Variants in CTNNA2 observed in about 807,000 individuals in gnomAD.
The protein encoded by CTNNA2 is catenin alpha-2.
A neutral mutation model predicts 101.0 loss-of-function variants in CTNNA2; 42 were observed. The observed-to-expected ratio is 0.42, with a 90% CI of 0.32 to 0.54. CTNNA2 has a LOEUF of 0.54. Ranked by LOEUF, CTNNA2 falls within the 20% of genes least tolerant of loss-of-function variation. CTNNA2 has a pLI of 0.14. For synonymous variants in CTNNA2, 450 were observed against 456.4 expected (o/e 0.99, Z 0.18); for missense variants, 871 against 1,223.1 (o/e 0.71, Z 4.29).
intron 7 of CTNNA2, among the ~76,000 whole-genome samples, chr2:80,131,488 A>G (rs1041932952): frequency 6.6e-6 from 1 of 152,222 alleles, no homozygotes; most frequent in Admixed American, 6.5e-5. Context: ...TGACGGTATA[A>G]AATTCTATCT....
At chr2:79,507,507 C>T (rs949273070) in intron 5 of CTNNA2, among the ~76,000 whole-genome samples, 6 of 152,078 alleles carry the variant, frequency 3.9e-5, no homozygotes, top group Non-Finnish European at 5.9e-5. Flanking sequence ...GCAGCAAGAA[C>T]GCTCTCACCA....
intron 8 of CTNNA2, among the ~76,000 whole-genome samples, chr2:80,397,734 C>T (rs566832055): frequency 2.7e-4 from 41 of 152,152 alleles, no homozygotes; most frequent in African/African-American, 9.2e-4. Flanking sequence ...TTATTAGAAG[C>T]GTGAGAACAG....
intron 2 of CTNNA2, among the ~76,000 whole-genome samples, chr2:79,716,532 C>G (rs533730830): frequency 6.6e-6 from 1 of 152,180 alleles, no homozygotes; most frequent in Admixed American, 6.5e-5. Flanking sequence ...TCGTTCAGCT[C>G]CCACTGATAA....
chr2:80,305,018 C>G (rs1395727976), intron 7 of CTNNA2: 1 of 970,114 alleles, frequency 1.0e-6, no homozygotes. Context: ...GTGCTCTCCC[C>G]CTTGCCTTTT....
At chr2:79,839,030 T>C (rs186085775) in intron 3 of CTNNA2, among the ~76,000 whole-genome samples, 1 of 152,070 alleles carries the variant, frequency 6.6e-6, no homozygotes, top group South Asian at 2.1e-4. Context: ...TTTATACATA[T>C]TAATTTATTA....
At chr2:79,537,469 T>G (rs1483066661) in intron 1 of CTNNA2, among the ~76,000 whole-genome samples, 2 of 152,320 alleles carry the variant, frequency 1.3e-5, no homozygotes, top group East Asian at 3.9e-4. Context: ...GGTGTTCATT[T>G]TTCTGCATTT....
intron 2 of CTNNA2, among the ~76,000 whole-genome samples, chr2:79,695,076 CT>C (rs145301717): frequency 0.16 from 22,141 of 140,832 alleles, 1,966 homozygotes; most frequent in Admixed American, 0.24. Flanking sequence ...TTTCACATTA[CT>C]TTTTTTTTTT....
chr2:80,467,501 A>T (rs1176236850), intron 9 of CTNNA2, among the ~76,000 whole-genome samples: 1 of 152,132 alleles, frequency 6.6e-6, no homozygotes, highest in Non-Finnish European at 1.5e-5. Flanking sequence ...GTTGCAAAAA[A>T]CCCCAAAACT....
At chr2:79,596,323 A>T (rs1018829859) in intron 1 of CTNNA2, among the ~76,000 whole-genome samples, 1 of 152,118 alleles carries the variant, frequency 6.6e-6, no homozygotes, top group African/African-American at 2.4e-5. Flanking sequence ...CAAGGTAGGG[A>T]AAATGGGGAA....
chr2:80,147,150 G>C (rs1319443732), intron 7 of CTNNA2, among the ~76,000 whole-genome samples: 1 of 151,876 alleles, frequency 6.6e-6, no homozygotes, highest in African/African-American at 2.4e-5. Flanking sequence ...ATTTTTAGTA[G>C]AGATGGGATT....
At chr2:80,328,713 C>T (rs901065555) in intron 7 of CTNNA2, among the ~76,000 whole-genome samples, 1 of 152,232 alleles carries the variant, frequency 6.6e-6, no homozygotes, top group Admixed American at 6.5e-5. Context: ...TGTTTGATGA[C>T]AGTCATGCTT....
intron 4 of CTNNA2, among the ~76,000 whole-genome samples, chr2:79,391,622 A>T (rs1411220245): frequency 6.6e-6 from 1 of 152,116 alleles, no homozygotes; most frequent in African/African-American, 2.4e-5. Context: ...AATCACCTCA[A>T]AAAACTGATG....
At chr2:79,646,524 CTTTTTTTT>C (rs67454188) in intron 1 of CTNNA2, among the ~76,000 whole-genome samples, 1 of 106,140 alleles carries the variant, frequency 9.4e-6, no homozygotes, top group Non-Finnish European at 1.8e-5. Context: ...TTCTTTCTGT[CTTTTTTTT>C]TTTTTTTTTT....
rs188938223 is a variant in CTNNA2 at position 80,351,154 on chromosome 2, G to C, written c.1057-42057G>C. On this transcript the variant is annotated intron_variant, in intron 7 of 18. Coordinates refer to ENST00000402739, the MANE Select transcript of CTNNA2 (RefSeq NM_001282597.3). ...TCCTACTATAGCAAGTGAGATGCAG[G>C]TTAAAAATGAAACACATACACACGC... Among the ~76,000 whole-genome samples, 11 of 152,190 alleles carry C rather than the reference G, an allele frequency of 7.2e-5. No individual in the cohort carries two copies. In the East Asian group the frequency reaches 1.7e-3, roughly 24 times the overall value.
At chr2:79,964,615 A>G (rs1406841315) in intron 7 of CTNNA2, among the ~76,000 whole-genome samples, 1 of 152,182 alleles carries the variant, frequency 6.6e-6, no homozygotes, top group African/African-American at 2.4e-5. Flanking sequence ...TAAATAATGA[A>G]TTAGAGAGAG....
rs572864196 is a variant in CTNNA2, at chr2:79,328,241, G to A, written c.-318+15445G>A. On this transcript the variant is annotated intron_variant, in intron 3 of 21. Transcript: ENST00000466387. ...GGTACAGGGAGAAAAATGTAAGCCT[G>A]TAGGATCTCAGAGAAGGGAAGGAGA... Among the ~76,000 whole-genome samples the A allele has an allele frequency of 1.5e-3, 233 of 152,266 alleles. 2 individuals carry two copies. In the South Asian group the frequency reaches 0.02, roughly 13 times the overall value.
intron 3 of CTNNA2, among the ~76,000 whole-genome samples, chr2:79,341,670 A>G (rs1252740323): frequency 6.6e-6 from 1 of 152,180 alleles, no homozygotes; most frequent in Non-Finnish European, 1.5e-5. Context: ...CCACTATAAT[A>G]TGTCTCTCTT....
chr2:79,341,093 G>T (rs945092151), intron 3 of CTNNA2, among the ~76,000 whole-genome samples: 1 of 151,568 alleles, frequency 6.6e-6, no homozygotes, highest in Non-Finnish European at 1.5e-5. Context: ...TAATTCCATC[G>T]TATAGATGAG....
At chr2:80,632,029 T>C (rs1410418821) in intron 18 of CTNNA2, among the ~76,000 whole-genome samples, 3 of 152,118 alleles carry the variant, frequency 2.0e-5, no homozygotes, top group Non-Finnish European at 4.4e-5. Flanking sequence ...GATTATTAAA[T>C]TGATGCATAA....
Sources: allele counts gnomAD v4.1 joint callset (sites outside exome capture counted in the v4.1 genomes callset), GRCh38; gene constraint gnomAD v4.1.1; transcripts MANE v1.5; gene names NCBI Gene and HGNC (gene_info 2026-07-23, HGNC 2026-07-21).